VSX2: variants seen among roughly 807,000 people sequenced by gnomAD.
VSX2 encodes ceh-10 homeo domain containing homolog.
In VSX2, 28 loss-of-function variants were observed where a neutral mutation model predicts 32.1. The ratio of observed to expected loss-of-function variants is 0.87; its 90% CI spans 0.65 to 1.20. The LOEUF is 1.20. VSX2 is among the 50% of genes most tolerant of loss of function. The probability of loss-of-function intolerance (pLI) is 0.00; values close to 1 mark genes in which losing one functional copy is unlikely to be tolerated. For missense variants in VSX2, 506 were observed against 488.7 expected (o/e 1.04, Z -0.33); for synonymous variants, 243 against 214.1 (o/e 1.14, Z -1.18).
chr14:74,244,954 G>C (rs1301867383), intron 2 of VSX2, among the ~76,000 whole-genome samples: 1 of 75,726 alleles, frequency 1.3e-5, no homozygotes, highest in Non-Finnish European at 2.4e-5. Context: ...AAGTGTGTGT[G>C]TGTGTGTGTG....
intron 3 of VSX2, among the ~76,000 whole-genome samples, chr14:74,249,294 A>C (rs1340790255): frequency 1.3e-5 from 2 of 152,066 alleles, no homozygotes; most frequent in African/African-American, 4.8e-5. Context: ...TTTTAGAGAC[A>C]GGGTCTCACT....
intron 3 of VSX2, among the ~76,000 whole-genome samples, chr14:74,256,809 G>T (rs930296509): frequency 2.0e-5 from 3 of 151,576 alleles, no homozygotes; most frequent in Admixed American, 6.6e-5. Context: ...GAGTAGCTGG[G>T]ATTACAGGTG....
intron 3 of VSX2, among the ~76,000 whole-genome samples, chr14:74,251,306 C>A (rs372263798): frequency 6.6e-6 from 1 of 152,004 alleles, no homozygotes; most frequent in South Asian, 2.1e-4. Context: ...AAAAATTAGC[C>A]GGGCATGATG....
At position 74,248,347 on chromosome 14, in the gene VSX2, A is replaced by AC. The variant is rs1270762110; in HGVS notation, c.579+3059_579+3060insC. On this transcript the variant is annotated intron_variant, in intron 3 of 4. Transcript: ENST00000261980. ...TTGAGACCAGGCTAAAAAAAAAAAAAAAAACAAAAAAAACCAAAAACGAGA... is the reference window on the plus strand; with the variant it reads ...TTGAGACCAGGCTAAAAAAAAAAAAACAAAACAAAAAAAACCAAAAACGAGA... 1.9e-4 allele frequency among the ~76,000 whole-genome samples: 27 copies of AC among 139,838 alleles called. 1 individual carries two copies. Among genetic ancestry groups the AC allele is most frequent in the Admixed American group, 5.7e-4 (8 of 14,142 alleles). The allele number at this position is 139,838 out of a possible 152,430, so 91.7% of individuals were successfully genotyped here.
intron 3 of VSX2, among the ~76,000 whole-genome samples, chr14:74,247,109 C>G (rs1162104460): frequency 3.9e-5 from 6 of 152,070 alleles, no homozygotes; most frequent in Admixed American, 6.6e-5. Context: ...GAAAGAGTCT[C>G]AGAGCCTTTG....
At chr14:74,245,470 G>T (rs2079186490) in intron 3 of VSX2, among the ~76,000 whole-genome samples, 182 bp downstream of exon 3, 1 of 152,078 alleles carries the variant, frequency 6.6e-6, no homozygotes, top group African/African-American at 2.4e-5. Context: ...GCTGTCGGGG[G>T]ATGAGAAGCA....
intron 1 of VSX2, among the ~76,000 whole-genome samples, chr14:74,240,595 C>T (rs1023507827): frequency 2.0e-5 from 3 of 152,160 alleles, no homozygotes; most frequent in African/African-American, 4.8e-5. Flanking sequence ...CCGCTCGAAC[C>T]TCCGATTCCT....
At chr14:74,247,310 G>A (rs917530629) in intron 3 of VSX2, among the ~76,000 whole-genome samples, 1 of 152,182 alleles carries the variant, frequency 6.6e-6, no homozygotes, top group Non-Finnish European at 1.5e-5. Flanking sequence ...CAGGCAGGGT[G>A]GTACCATGGT....
intron 2 of VSX2, among the ~76,000 whole-genome samples, chr14:74,244,683 G>C (rs1360276185): frequency 6.6e-6 from 1 of 151,900 alleles, no homozygotes; most frequent in African/African-American, 2.4e-5. Context: ...GGAGGAAGAG[G>C]GGCTTTCTGC....
chr14:74,252,716 G>A (rs1290236664), intron 3 of VSX2, among the ~76,000 whole-genome samples: 1 of 152,040 alleles, frequency 6.6e-6, no homozygotes, highest in East Asian at 1.9e-4. Context: ...TGCTGCTGGG[G>A]TATCACTGCT....
rs1306135628 is a variant in VSX2 at position 74,239,948 on chromosome 14, T to C, written c.370+17T>C. 1 of 1,552,820 alleles carries C rather than the reference T, an allele frequency of 6.4e-7. No homozygotes were observed. Among genetic ancestry groups the C allele is most frequent in the Non-Finnish European group, 8.7e-7 (1 of 1,149,024 alleles). On this transcript the variant is annotated intron_variant, in intron 1 of 4. Coordinates refer to ENST00000261980, the MANE Select transcript of VSX2 (RefSeq NM_182894.3). ...CCAGCTCGGGTAGGTGAGGAGAGGTTGCGCTGCTGCCTGACTGGGGGGCGA... is the reference window on the plus strand; with the variant it reads ...CCAGCTCGGGTAGGTGAGGAGAGGTCGCGCTGCTGCCTGACTGGGGGGCGA...
chr14:74,252,477 G>A (rs2079236106), intron 3 of VSX2, among the ~76,000 whole-genome samples: 1 of 149,350 alleles, frequency 6.7e-6, no homozygotes, highest in South Asian at 2.1e-4. Flanking sequence ...TGCAACCTCT[G>A]CCTCCCGAGT....
Position 74,260,680 on chromosome 14 carries a change from A to C in VSX2, c.847A>C (p.Met283Leu), listed in dbSNP as rs1056034705. 6.3e-7 allele frequency: 1 copy of C among 1,599,400 alleles called. No homozygotes were observed. Among genetic ancestry groups the C allele is most frequent in the African/African-American group, 1.3e-5 (1 of 74,786 alleles). ...CCAGGCCCTGCCCAAGCTCGACAAG[A>C]TGGAGCAGGACGAGCGGGGCCCCGA... ...ERQALPKLDK[M>L]EQDERGPDAQ... The change falls in exon 5 of 5, where the codon ATG (methionine) becomes CTG (leucine). Residue 283 changes from methionine (M) to leucine (L), a missense_variant. Transcript: ENST00000261980.
At chr14:74,255,124 G>T (rs1355190549) in intron 3 of VSX2, among the ~76,000 whole-genome samples, 30 of 152,236 alleles carry the variant, frequency 2.0e-4, no homozygotes. Flanking sequence ...GACTGAGACT[G>T]AGGGAAGTCA....
chr14:74,241,096 G>T (rs1273786713), intron 1 of VSX2, 86 bp from the exon 2 acceptor site: 14 of 1,425,682 alleles, frequency 9.8e-6, no homozygotes, highest in Non-Finnish European at 1.4e-5. Flanking sequence ...GCTCGCGGAG[G>T]CAGCCCGGGG....
intron 4 of VSX2, among the ~76,000 whole-genome samples, chr14:74,260,304 C>T (rs193101139): frequency 2.4e-4 from 36 of 152,306 alleles, no homozygotes; most frequent in Non-Finnish European, 1.6e-4. Context: ...GATCCGGAAT[C>T]CCATGGGGGA....
intron 3 of VSX2, among the ~76,000 whole-genome samples, chr14:74,253,844 C>T (rs1266472296): frequency 6.6e-6 from 1 of 152,022 alleles, no homozygotes; most frequent in Non-Finnish European, 1.5e-5. Context: ...GCAGGAGAAT[C>T]GCTCGAATCT....
Position 74,261,147 on chromosome 14 carries a change from GAAGCCTTCTTGCTGCCCAC to G in VSX2, c.*231_*249del. On this transcript the variant is annotated 3_prime_UTR_variant, in exon 5 of 5. Transcript: ENST00000261980. Reference sequence around the variant, plus strand: ...TGACCTCTCCAGCATCCCAGCCTCAGAAGCCTTCTTGCTGCCCACAACGTCCCCTCAAGCCCCTTCTCTC... The same window carrying G: ...TGACCTCTCCAGCATCCCAGCCTCAGAACGTCCCCTCAAGCCCCTTCTCTC... 1.7e-6 allele frequency: 1 copy of G among 579,294 alleles called. No individual in the cohort carries two copies. The highest frequency in any genetic ancestry group is 3.1e-6 in the Non-Finnish European group (1 of 327,308). 35.9% of individuals were successfully genotyped at this position (579,294 alleles called of 1,614,324 possible). A position where few individuals can be genotyped will look rare whatever the true frequency, so the allele number is the denominator to read the frequency against.
Position 74,245,193 on chromosome 14 carries a change from G to A in VSX2, c.484G>A (p.Glu162Lys). 1 of 1,613,366 alleles carries A rather than the reference G, an allele frequency of 6.2e-7. No homozygotes were observed. Among genetic ancestry groups the A allele is most frequent in the Non-Finnish European group, 8.5e-7 (1 of 1,179,624 alleles). ...AATCTTTACCTCCTACCAGCTAGAG[G>A]AGCTGGAGAAGGCATTCAACGAAGC... ...RTIFTSYQLEELEKAFNEAHY... is the reference protein window; with the variant it reads ...RTIFTSYQLEKLEKAFNEAHY... Residue 162 changes from glutamate to lysine, a missense_variant, in exon 3 of 5, where the codon GAG becomes AAG. Physicochemically the swap from Glu to Lys is moderately conservative, Grantham distance 56. Coordinates refer to ENST00000261980, the MANE Select transcript of VSX2 (RefSeq NM_182894.3).
Sources: allele counts gnomAD v4.1 joint callset (sites outside exome capture counted in the v4.1 genomes callset), GRCh38; gene constraint gnomAD v4.1.1; transcripts MANE v1.5; gene names NCBI Gene and HGNC (gene_info 2026-07-23, HGNC 2026-07-21).